The following NECAB1 variants were observed in gnomAD, a reference collection of about 807,000 sequenced individuals.
NECAB1 encodes the protein N-terminal EF-hand calcium binding protein 1.
NECAB1 carries 29 observed loss-of-function variants against 57.5 expected under a neutral mutation model. The ratio of observed to expected loss-of-function variants is 0.50; its 90% CI spans 0.38 to 0.69. NECAB1 has a LOEUF of 0.69. Ranked by LOEUF, NECAB1 falls within the 30% of genes least tolerant of loss-of-function variation. The pLI, the probability that NECAB1 is intolerant of heterozygous loss-of-function variation, is 0.00. For synonymous variants in NECAB1, 142 were observed against 147.7 expected, an observed-to-expected ratio of 0.96 and a Z score of 0.28; for missense variants, 372 against 413.8, an observed-to-expected ratio of 0.90 and a Z score of 0.88.
intron 5 of NECAB1, among the ~76,000 whole-genome samples, chr8:90,917,022 G>A (rs1355537557): frequency 6.6e-6 from 1 of 152,096 alleles, no homozygotes; most frequent in African/African-American, 2.4e-5. Context: ...TACGGATCAA[G>A]CATAATAAAT....
chr8:90,916,074 C>T (rs571670672), intron 5 of NECAB1, among the ~76,000 whole-genome samples: 16 of 152,126 alleles, frequency 1.1e-4, no homozygotes, highest in African/African-American at 3.4e-4. Flanking sequence ...CACCCAAGGA[C>T]GATACTTTGC....
chr8:90,800,892 G>A (rs190847231), intron 1 of NECAB1, among the ~76,000 whole-genome samples: 137 of 152,114 alleles, frequency 9.0e-4, no homozygotes, highest in Non-Finnish European at 4.3e-4. Context: ...CAAGCATGTA[G>A]GAAATGTAGG....
At position 90,956,655 on chromosome 8, in the gene NECAB1, T is replaced by C. The variant is rs931241814; in HGVS notation, c.*1143T>C. ...AATGTATAGCCATGTTATTTTCTAG[T>C]ATAAATTCCTTTGAAACTATAAGTC... On this transcript the variant is annotated 3_prime_UTR_variant, in exon 13 of 13. Coordinates refer to ENST00000417640, the MANE Select transcript of NECAB1 (RefSeq NM_022351.5). 6.6e-6 allele frequency: 1 copy of C among 152,034 alleles called. No homozygotes were observed. The highest frequency in any genetic ancestry group is 1.5e-5 in the Non-Finnish European group (1 of 67,916). The allele number at this position is 152,034 out of a possible 1,614,324, so 9.4% of individuals were successfully genotyped here.
rs372928819 is a variant in NECAB1, at chr8:90,914,482, C to G, written c.358-3010C>G. ...CTTATCAATGAGGGGTAGTATAAAA[C>G]AGCAAACCTTCATAATTGACTCAAA... On this transcript the variant is annotated intron_variant, in intron 5 of 12. Transcript: ENST00000417640. Among the ~76,000 whole-genome samples, 49 of 152,154 alleles carry G rather than the reference C, an allele frequency of 3.2e-4. 1 individual carries two copies. Among genetic ancestry groups the G allele is most frequent in the African/African-American group, 1.2e-3 (48 of 41,514 alleles).
intron 5 of NECAB1, among the ~76,000 whole-genome samples, chr8:90,892,382 A>C (rs531050759): frequency 6.6e-6 from 1 of 152,326 alleles, no homozygotes; most frequent in South Asian, 2.1e-4. Flanking sequence ...TAGCATCATA[A>C]TTTCCATTTT....
chr8:90,814,649 A>T (rs1812027072), intron 2 of NECAB1, among the ~76,000 whole-genome samples: 1 of 151,950 alleles, frequency 6.6e-6, no homozygotes, highest in Admixed American at 6.6e-5. Context: ...CTCTTTGGCC[A>T]TTGGGAGCTC....
At chr8:90,794,349 T>C (rs569307884) in intron 1 of NECAB1, among the ~76,000 whole-genome samples, 5 of 152,314 alleles carry the variant, frequency 3.3e-5, no homozygotes, top group East Asian at 1.9e-4. Flanking sequence ...GCAAGAAAGA[T>C]TACTTTTAAA....
intron 5 of NECAB1, among the ~76,000 whole-genome samples, chr8:90,907,314 T>A (rs1809714122): frequency 6.6e-6 from 1 of 152,144 alleles, no homozygotes; most frequent in Admixed American, 6.5e-5. Context: ...CCAGGAGACC[T>A]TGACACAAAC....
At chr8:90,930,057 T>C (rs1810369755) in intron 8 of NECAB1, among the ~76,000 whole-genome samples, 1 of 152,146 alleles carries the variant, frequency 6.6e-6, no homozygotes, top group South Asian at 2.1e-4. Flanking sequence ...AGATAGGAAA[T>C]TGGGCAGCAA....
In NECAB1 at chr8:90,803,192, C is replaced by T. The variant is rs532273911; in HGVS notation, c.124+1477C>T. 8.5e-4 allele frequency among the ~76,000 whole-genome samples: 129 copies of T among 152,254 alleles called. 2 individuals are homozygous for T. Among genetic ancestry groups the T allele is most frequent in the African/African-American group, 2.9e-3 (119 of 41,548 alleles). On this transcript the variant is annotated intron_variant, in intron 2 of 12. Transcript: ENST00000417640. ...GATTACAAGCATGGGCCACTGCACCCGGCCCATTTGATTACTTTTAAAGAC... is the reference window on the plus strand; with the variant it reads ...GATTACAAGCATGGGCCACTGCACCTGGCCCATTTGATTACTTTTAAAGAC...
rs1812893443 is a variant in NECAB1 at position 90,861,090 on chromosome 8, C to T, written c.234-11038C>T. Among the ~76,000 whole-genome samples the T allele has an allele frequency of 2.0e-5, 3 of 152,196 alleles. No individual in the cohort carries two copies. In the South Asian group the frequency reaches 6.2e-4, roughly 31 times the overall value. On this transcript the variant is annotated intron_variant, in intron 3 of 12. Coordinates refer to ENST00000417640, the MANE Select transcript of NECAB1 (RefSeq NM_022351.5). ...TTGCTTTATTTTCTATTCAATATAACATTCGGTAACAGTCAAGTATCACCT... is the reference window on the plus strand; with the variant it reads ...TTGCTTTATTTTCTATTCAATATAATATTCGGTAACAGTCAAGTATCACCT...
chr8:90,952,207 T>A (rs1389758754), intron 12 of NECAB1, among the ~76,000 whole-genome samples: 1 of 149,944 alleles, frequency 6.7e-6, no homozygotes, highest in Non-Finnish European at 1.5e-5. Context: ...AGGGCAATAA[T>A]CTAGGCCAGG....
intron 6 of NECAB1, among the ~76,000 whole-genome samples, chr8:90,925,015 T>C (rs1235765899): frequency 1.3e-5 from 2 of 151,898 alleles, no homozygotes; most frequent in African/African-American, 2.4e-5. Context: ...TCATAACATA[T>C]ACTCATATGA....
At chr8:90,802,505 A>G (rs929858924) in intron 2 of NECAB1, among the ~76,000 whole-genome samples, 1 of 152,204 alleles carries the variant, frequency 6.6e-6, no homozygotes, top group Non-Finnish European at 1.5e-5. Flanking sequence ...TGGTAGAGGT[A>G]TATTCTTGAC....
At position 90,854,716 on chromosome 8, in the gene NECAB1, T is replaced by A. The variant is rs1374983960; in HGVS notation, c.234-17412T>A. On this transcript the variant is annotated intron_variant, in intron 3 of 12. Transcript: ENST00000417640. ...TACTCTAGCCAAGGAGTCTAGAGAC[T>A]TTTTTTGGGCAACAATAGCAGTCAC... Among the ~76,000 whole-genome samples, 7 of 152,264 alleles carry A rather than the reference T, an allele frequency of 4.6e-5. No homozygotes were observed. In the East Asian group the frequency reaches 1.4e-3, roughly 29 times the overall value.
chr8:90,888,327 A>T (rs1809059588), intron 5 of NECAB1, among the ~76,000 whole-genome samples: 1 of 152,244 alleles, frequency 6.6e-6, no homozygotes, highest in Non-Finnish European at 1.5e-5. Flanking sequence ...CAGTTGCCTG[A>T]GTGAACATAC....
intron 3 of NECAB1, among the ~76,000 whole-genome samples, chr8:90,847,157 G>T (rs1268996300): frequency 1.3e-5 from 2 of 152,334 alleles, no homozygotes; most frequent in African/African-American, 2.4e-5. Context: ...TAAAATGGGG[G>T]TACAGGCATT....
chr8:90,820,888 T>C (rs1812133014), intron 2 of NECAB1, among the ~76,000 whole-genome samples: 1 of 151,978 alleles, frequency 6.6e-6, no homozygotes. Flanking sequence ...TCTACCATTG[T>C]TGAACTCTTA....
In NECAB1 at chr8:90,838,513, T is replaced by G. The variant is rs6471255; in HGVS notation, c.233+13688T>G. On this transcript the variant is annotated intron_variant, in intron 3 of 12. Coordinates refer to ENST00000417640, the MANE Select transcript of NECAB1 (RefSeq NM_022351.5). ...TTCAGGCACCAAGTAGGCACCAGCC[T>G]TGGACAGTATGCTGTCCCATCACAG... is the stretch of plus-strand genomic sequence containing the variant. Among the ~76,000 whole-genome samples the G allele has an allele frequency of 1.9e-3, 284 of 152,340 alleles. 2 individuals carry two copies. Among genetic ancestry groups the G allele is most frequent in the African/African-American group, 6.4e-3 (267 of 41,574 alleles).
Sources: allele counts gnomAD v4.1 joint callset (sites outside exome capture counted in the v4.1 genomes callset), GRCh38; gene constraint gnomAD v4.1.1; transcripts MANE v1.5; gene names NCBI Gene and HGNC (gene_info 2026-07-23, HGNC 2026-07-21).